The following VAC14 variants were observed in gnomAD, a reference collection of about 807,000 sequenced individuals.
The protein encoded by VAC14 is VAC14 component of PIKFYVE complex.
VAC14 carries 47 observed loss-of-function variants against 85.3 expected under a neutral mutation model. The observed-to-expected ratio is 0.55, with a 90% CI of 0.44 to 0.70. The LOEUF (loss-of-function observed/expected upper bound fraction) is 0.70. VAC14 is among the 30% of genes least tolerant of loss of function. The pLI is 0.00. For synonymous variants in VAC14, 447 were observed against 430.5 expected (o/e 1.04, Z -0.47); for missense variants, 861 against 1,004.3 (o/e 0.86, Z 1.93).
intron 9 of VAC14, among the ~76,000 whole-genome samples, chr16:70,779,823 TA>T (rs1460690710): frequency 6.6e-6 from 1 of 152,018 alleles, no homozygotes; most frequent in Non-Finnish European, 1.5e-5. Context: ...CCAGTCGGCA[TA>T]AATGTGGTTT....
intron 14 of VAC14, among the ~76,000 whole-genome samples, chr16:70,717,344 G>C (rs981582590): frequency 1.3e-5 from 2 of 152,234 alleles, no homozygotes; most frequent in African/African-American, 4.8e-5. Context: ...GCTGTGGCGG[G>C]GGAGAGGAGG....
At chr16:70,787,534 G>C (rs1056284895) in intron 1 of VAC14, among the ~76,000 whole-genome samples, 1 of 152,122 alleles carries the variant, frequency 6.6e-6, no homozygotes, top group Admixed American at 6.5e-5. Flanking sequence ...CTCCACAACA[G>C]ACTAGTCTGT....
intron 14 of VAC14, among the ~76,000 whole-genome samples, chr16:70,722,856 G>A (rs553583784): frequency 6.6e-6 from 1 of 152,244 alleles, no homozygotes; most frequent in South Asian, 2.1e-4. Context: ...AAGACAGGAG[G>A]ACGGTTTGAG....
At chr16:70,736,701 C>G (rs931352506) in intron 13 of VAC14, among the ~76,000 whole-genome samples, 1 of 152,140 alleles carries the variant, frequency 6.6e-6, no homozygotes, top group Non-Finnish European at 1.5e-5. Flanking sequence ...GTCACAGCTG[C>G]GAGAAGCCGC....
chr16:70,731,541 T>C lies in VAC14; in HGVS notation c.1615A>G (p.Ser539Gly). 6.2e-7 allele frequency: 1 copy of C among 1,614,156 alleles called. No homozygotes were observed. Among genetic ancestry groups the C allele is most frequent in the Non-Finnish European group, 8.5e-7 (1 of 1,180,006 alleles). ...KFMINLLKRF[S>G]SERKLLEVRG... is the part of the protein sequence containing the mutation. ...ACCTCCAGGAGCTTCCGTTCGCTGC[T>C]GAATCTCTTGAGAAGGTTGATCATG... Residue 539 changes from serine to glycine, a missense_variant, in exon 14 of 19, where the codon AGC becomes GGC. Physicochemically the swap from Ser to Gly is moderately conservative, Grantham distance 56 (BLOSUM62 0). Transcript: ENST00000261776.
intron 14 of VAC14, chr16:70,731,264 A>G: frequency 7.8e-7 from 1 of 1,289,920 alleles, no homozygotes; most frequent in Non-Finnish European, 9.8e-7. Flanking sequence ...GGAAGCAAAA[A>G]ATGAATTCAG....
Position 70,731,623 on chromosome 16 carries a change from G to T in VAC14, c.1533C>A (p.Thr511=). Residue 511 remains threonine (T), a synonymous_variant, in exon 14 of 19, where the codon ACC becomes ACA. Transcript: ENST00000261776. ...TTGAAGGAGAACATTCTAAGCCTTT[G>T]GTACCTGTAGAGAAAGGGATAGAGC... ...GRAGLLNTSG[T]KGLECSPSTP... The T allele has an allele frequency of 6.2e-7, 1 of 1,613,836 alleles. No homozygotes were observed. The highest frequency in any genetic ancestry group is 8.5e-7 in the Non-Finnish European group (1 of 1,179,922).
intron 12 of VAC14, among the ~76,000 whole-genome samples, chr16:70,757,955 G>A (rs58143168): frequency 6.6e-6 from 1 of 152,310 alleles, no homozygotes; most frequent in Admixed American, 6.5e-5. Context: ...TGGACTCCTA[G>A]ACTTCCTGAA....
rs761693038 is a variant in VAC14 at position 70,781,241 on chromosome 16, T to C, written c.947-302A>G. On this transcript the variant is annotated intron_variant, in intron 8 of 18. Coordinates refer to ENST00000261776, the MANE Select transcript of VAC14 (RefSeq NM_018052.5). ...TTTGCCTCTGCCATGACTAAAAGCT[T>C]CCTGAGGCCTCACCAGAAGCCAAGC... is the stretch of plus-strand genomic sequence containing the variant. Among the ~76,000 whole-genome samples the C allele has an allele frequency of 2.6e-5, 4 of 152,170 alleles. No homozygotes were observed. In the South Asian group the frequency reaches 8.3e-4, roughly 32 times the overall value.
intron 14 of VAC14, among the ~76,000 whole-genome samples, chr16:70,713,565 C>G (rs942398879): frequency 2.0e-5 from 3 of 152,220 alleles, no homozygotes; most frequent in Non-Finnish European, 4.4e-5. Context: ...TGAGGAGACA[C>G]AGATGATGAA....
intron 9 of VAC14, among the ~76,000 whole-genome samples, chr16:70,777,435 A>G (rs1302978429): frequency 6.6e-6 from 1 of 152,236 alleles, no homozygotes; most frequent in African/African-American, 2.4e-5. Context: ...GAACAGATAT[A>G]AAGTCAGCAG....
Position 70,687,681 on chromosome 16 carries a change from A to T in VAC14, c.*247T>A. On this transcript the variant is annotated 3_prime_UTR_variant, in exon 19 of 19. Transcript: ENST00000261776. The stretch of plus-strand genomic sequence containing the variant: ...GAGGATGAGTGGTCTCTGAGGCTAT[A>T]GCCCCCCACTGGGTGGGCAGCCAGC... The T allele has an allele frequency of 2.6e-6, 1 of 387,696 alleles. No homozygotes were observed. Among genetic ancestry groups the T allele is most frequent in the South Asian group, 1.1e-4 (1 of 9,310 alleles). 24.0% of individuals were successfully genotyped at this position (387,696 alleles called of 1,614,324 possible). A position where few individuals can be genotyped will look rare whatever the true frequency, so the allele number is the denominator to read the frequency against.
At chr16:70,697,302 GCC>G in intron 15 of VAC14, 45 bp from the exon 16 acceptor site, 1 of 1,539,282 alleles carries the variant, frequency 6.5e-7, no homozygotes. Context: ...CCTGCTCCTT[GCC>G]CCTACCCGGT....
rs745926633 is a variant in VAC14, at chr16:70,786,383, A to AG, written c.105-19dup. 297 of 1,610,790 alleles carry AG rather than the reference A, an allele frequency of 1.8e-4. 1 individual carries two copies. The African/African-American group carries it at 3.6e-3, about 20-fold the overall frequency. ...GGACCAGCCTGGAGAGAGAGGAGAG[A>AG]GGGGCTGTGGGAATCAGGCTACCTC... is the stretch of plus-strand genomic sequence containing the variant. On this transcript the variant is annotated intron_variant, in intron 1 of 18. Transcript: ENST00000261776.
chr16:70,736,356 TTCTGAGTC>T (rs1287082820), intron 13 of VAC14, among the ~76,000 whole-genome samples: 2 of 152,188 alleles, frequency 1.3e-5, no homozygotes, highest in Non-Finnish European at 2.9e-5. Flanking sequence ...ACCGTTCTCA[TTCTGAGTC>T]TCAGAATGGA....
intron 14 of VAC14, among the ~76,000 whole-genome samples, chr16:70,726,567 A>G (rs920816198): frequency 6.6e-6 from 1 of 152,208 alleles, no homozygotes; most frequent in African/African-American, 2.4e-5. Context: ...CGTCACAGAC[A>G]AAGCAGAAAG....
At chr16:70,772,025 G>C in intron 10 of VAC14, 84 bp downstream of exon 10, 2 of 1,301,754 alleles carry the variant, frequency 1.5e-6, no homozygotes, top group Admixed American at 1.8e-5. Flanking sequence ...ATTTGCCTTG[G>C]GTCATTGCTG....
chr16:70,742,385 C>T (rs969063467), intron 13 of VAC14, among the ~76,000 whole-genome samples: 10 of 144,984 alleles, frequency 6.9e-5, no homozygotes, highest in Admixed American at 6.8e-5. Flanking sequence ...TCCTTTCCTA[C>T]CCCCTTTGCT....
chr16:70,733,795 A>G (rs1401664019), intron 13 of VAC14, among the ~76,000 whole-genome samples: 2 of 152,086 alleles, frequency 1.3e-5, no homozygotes, highest in Non-Finnish European at 2.9e-5. Context: ...AAATCTCTTT[A>G]TAAATTACCT....
Sources: gnomAD v4.1 joint callset for allele counts (sites outside exome capture counted in the v4.1 genomes callset) on GRCh38, gnomAD v4.1.1 for gene constraint, MANE v1.5 for transcripts, NCBI Gene and HGNC (gene_info 2026-07-23, HGNC 2026-07-21) for gene names.